The following KLHL7 variants were observed in gnomAD, a reference collection of about 807,000 sequenced individuals.
KLHL7 encodes the protein kelch-like protein 7.
In KLHL7, 44 loss-of-function variants were observed where a neutral mutation model predicts 67.4. That is an observed-to-expected ratio of 0.65 (90% CI 0.51 to 0.84). The LOEUF (loss-of-function observed/expected upper bound fraction) is 0.84. Among genes scored for constraint, KLHL7 ranks in the 40% least tolerant of loss-of-function variants. The pLI is 0.00. For synonymous variants in KLHL7, 252 were observed against 243.3 expected, an observed-to-expected ratio of 1.04 and a Z score of -0.33; for missense variants, 362 against 718.1, an observed-to-expected ratio of 0.50 and a Z score of 5.67.
At chr7:23,144,538 A>T (rs1425264364) in intron 6 of KLHL7, among the ~76,000 whole-genome samples, 1 of 152,174 alleles carries the variant, frequency 6.6e-6, no homozygotes, top group Non-Finnish European at 1.5e-5. Context: ...TATGCCTTGT[A>T]GAACCTTTCT....
chr7:23,124,862 A>G (rs750410708), intron 3 of KLHL7, 81 bp downstream of exon 3: 1 of 1,151,476 alleles, frequency 8.7e-7, no homozygotes, highest in East Asian at 2.4e-5. Flanking sequence ...AAATAGTTGC[A>G]CTACAAATTC....
intron 4 of KLHL7, among the ~76,000 whole-genome samples, chr7:23,132,261 A>G (rs1562565472): frequency 6.6e-6 from 1 of 152,194 alleles, no homozygotes. Flanking sequence ...ACTAATTTAC[A>G]TTTCCACCAA....
intron 1 of KLHL7, among the ~76,000 whole-genome samples, chr7:23,110,861 C>A (rs1422157456): frequency 6.8e-6 from 1 of 147,156 alleles, no homozygotes; most frequent in South Asian, 2.1e-4. Context: ...TGAGAACATG[C>A]GGTTCACTAC....
In KLHL7 at chr7:23,133,228, G is replaced by A. The variant is rs190062280; in HGVS notation, c.443-7541G>A. On this transcript the variant is annotated intron_variant, in intron 4 of 10. Transcript: ENST00000339077. ...TTACATTGAATCTGTAGATTGCTAT[G>A]GGAAGTATGGACATTTTAGCAATAT... 1.6e-4 allele frequency among the ~76,000 whole-genome samples: 25 copies of A among 152,122 alleles called. No homozygotes were observed. The East Asian group carries it at 4.8e-3, about 29-fold the overall frequency.
rs188902968 is a variant in KLHL7, at chr7:23,145,824, C to T, written c.793+1799C>T. On this transcript the variant is annotated intron_variant, in intron 6 of 10. Coordinates refer to ENST00000339077, the MANE Select transcript of KLHL7 (RefSeq NM_001031710.3). ...CAACTCACTACAGCCTTGACCTGTC[C>T]GGCACGAGTGATCCTTTCACCTCAG... 4.3e-3 allele frequency among the ~76,000 whole-genome samples: 661 copies of T among 152,234 alleles called. 6 individuals are homozygous for T. Among genetic ancestry groups the T allele is most frequent in the African/African-American group, 0.015 (618 of 41,540 alleles).
rs563983299 is a variant in KLHL7, at chr7:23,177,175, T to C, written c.*2877T>C. 1 of 152,310 alleles carries C rather than the reference T, an allele frequency of 6.6e-6. No homozygotes were observed. The highest frequency in any genetic ancestry group is 1.9e-4 in the East Asian group (1 of 5,182). 9.4% of individuals were successfully genotyped at this position (152,310 alleles called of 1,614,324 possible). A position where few individuals can be genotyped will look rare whatever the true frequency, so the allele number is the denominator to read the frequency against. ...TAGGCAACCACTAATCTACTTTCTGTCTCTAGATTTGATTATTCTGAACAT... is the reference window on the plus strand; with the variant it reads ...TAGGCAACCACTAATCTACTTTCTGCCTCTAGATTTGATTATTCTGAACAT... On this transcript the variant is annotated 3_prime_UTR_variant, in exon 11 of 11. Coordinates refer to ENST00000339077, the MANE Select transcript of KLHL7 (RefSeq NM_001031710.3).
chr7:23,157,251 T>G (rs946894724), intron 7 of KLHL7, among the ~76,000 whole-genome samples: 1 of 152,200 alleles, frequency 6.6e-6, no homozygotes, highest in African/African-American at 2.4e-5. Flanking sequence ...GAAGTAAAAA[T>G]GTGAACACTG....
intron 7 of KLHL7, 45 bp from the exon 8 acceptor site, chr7:23,165,653 A>G (rs1215491966): frequency 3.7e-6 from 6 of 1,607,500 alleles, no homozygotes; most frequent in Non-Finnish European, 5.1e-6. Flanking sequence ...CTTTTCAGTT[A>G]TATTTTTTTC....
At chr7:23,169,509 C>A (rs901858551) in intron 9 of KLHL7, among the ~76,000 whole-genome samples, 1 of 152,056 alleles carries the variant, frequency 6.6e-6, no homozygotes, top group Non-Finnish European at 1.5e-5. Context: ...AAAAGTGTTA[C>A]AGCATACTAG....
In KLHL7 at chr7:23,124,760, T is replaced by C. The variant is rs1270278727; in HGVS notation, c.296T>C (p.Val99Ala). Residue 99 changes from valine to alanine, a missense_variant, in exon 3 of 11, where the codon GTG becomes GCG. This residue lies in a region of KLHL7 where 155 missense variants were observed against 280.8 expected (regional missense o/e 0.55). Transcript: ENST00000339077. Reference sequence around the variant, plus strand: ...GAACCTGATATTATTGAACAACTGGTGGAATTTGCTTATACTGCTAGGTGA... The same window carrying C: ...GAACCTGATATTATTGAACAACTGGCGGAATTTGCTTATACTGCTAGGTGA... ...DAEPDIIEQL[V>A]EFAYTARISV... 1 of 1,607,848 alleles carries C rather than the reference T, an allele frequency of 6.2e-7. No homozygotes were observed. Among genetic ancestry groups the C allele is most frequent in the Non-Finnish European group, 8.5e-7 (1 of 1,174,392 alleles).
In KLHL7 at chr7:23,105,785, G is replaced by C. The variant is rs1010298869; in HGVS notation, c.-242G>C. ...GTGCGCAGGCTCCTGGGCAGGGCTC[G>C]GGTTCTGCCCGGGGACGCAGCCCAG... On this transcript the variant is annotated 5_prime_UTR_variant, in exon 1 of 11. Coordinates refer to ENST00000339077, the MANE Select transcript of KLHL7 (RefSeq NM_001031710.3). 3 of 543,594 alleles carry C rather than the reference G, an allele frequency of 5.5e-6. No individual in the cohort carries two copies. The highest frequency in any genetic ancestry group is 3.1e-5 in the Admixed American group (1 of 32,388). The allele number at this position is 543,594 out of a possible 1,614,324, so 33.7% of individuals were successfully genotyped here.
chr7:23,148,221 A>T (rs1049219844), intron 6 of KLHL7, among the ~76,000 whole-genome samples: 2 of 152,200 alleles, frequency 1.3e-5, no homozygotes, highest in Non-Finnish European at 2.9e-5. Flanking sequence ...TGGATATCTA[A>T]TAATGAAAAT....
intron 6 of KLHL7, among the ~76,000 whole-genome samples, chr7:23,148,759 G>C (rs1414632369): frequency 6.6e-6 from 1 of 152,232 alleles, no homozygotes; most frequent in African/African-American, 2.4e-5. Context: ...AAACAGGATA[G>C]CAGTATTATT....
chr7:23,109,837 C>G (rs1038028608), intron 1 of KLHL7, among the ~76,000 whole-genome samples: 2 of 152,184 alleles, frequency 1.3e-5, no homozygotes, highest in Non-Finnish European at 2.9e-5. Flanking sequence ...ATTGACAATT[C>G]CAGTCATCCA....
intron 1 of KLHL7, among the ~76,000 whole-genome samples, chr7:23,107,484 G>A (rs1223138261): frequency 6.6e-6 from 1 of 152,182 alleles, no homozygotes; most frequent in Non-Finnish European, 1.5e-5. Context: ...GTGGATCATA[G>A]CATTGTAAAG....
At chr7:23,153,830 G>A (rs1353201269) in intron 7 of KLHL7, among the ~76,000 whole-genome samples, 1 of 152,226 alleles carries the variant, frequency 6.6e-6, no homozygotes, top group Non-Finnish European at 1.5e-5. Flanking sequence ...TTACCCAGAA[G>A]TGTAATAACC....
At chr7:23,154,982 A>G (rs1343853417) in intron 7 of KLHL7, among the ~76,000 whole-genome samples, 3 of 152,072 alleles carry the variant, frequency 2.0e-5, no homozygotes, top group Non-Finnish European at 4.4e-5. Context: ...CACCATACCC[A>G]TAGAGCAAAT....
intron 7 of KLHL7, among the ~76,000 whole-genome samples, chr7:23,164,555 C>T (rs1201786026): frequency 6.6e-6 from 1 of 152,120 alleles, no homozygotes; most frequent in Non-Finnish European, 1.5e-5. Context: ...TTATGTTTAT[C>T]ACATTGTTTT....
At chr7:23,166,046 G>A (rs1240139634) in intron 8 of KLHL7, 108 bp downstream of exon 8, 3 of 1,299,834 alleles carry the variant, frequency 2.3e-6, no homozygotes, top group East Asian at 4.6e-5. Flanking sequence ...ATACTTTCTT[G>A]GTAATTTAAA....
Sources: allele counts gnomAD v4.1 joint callset (sites outside exome capture counted in the v4.1 genomes callset), GRCh38; gene constraint gnomAD v4.1.1; regional missense constraint gnomAD v4.1.1; transcripts MANE v1.5; gene names NCBI Gene and HGNC (gene_info 2026-07-23, HGNC 2026-07-21).